SMAP1: variants seen among roughly 807,000 people sequenced by gnomAD.
The protein encoded by SMAP1 is small ArfGAP 1.
SMAP1 carries 24 observed loss-of-function variants against 58.5 expected under a neutral mutation model. The observed-to-expected ratio is 0.41, with a 90% confidence interval of 0.30 to 0.58. The LOEUF (loss-of-function observed/expected upper bound fraction) is 0.58. SMAP1 is among the 20% of genes least tolerant of loss of function. The probability of loss-of-function intolerance (pLI) is 0.29; values close to 1 mark genes in which losing one functional copy is unlikely to be tolerated. For synonymous variants in SMAP1, 216 were observed against 196.6 expected, an observed-to-expected ratio of 1.10 and a Z score of -0.82; for missense variants, 563 against 566.3, an observed-to-expected ratio of 0.99 and a Z score of 0.06.
At chr6:70,804,681 A>G (rs1769037926) in intron 6 of SMAP1, among the ~76,000 whole-genome samples, 1 of 152,028 alleles carries the variant, frequency 6.6e-6, no homozygotes, top group African/African-American at 2.4e-5. Context: ...AGCTCTTGTA[A>G]GGCAGGCCTG....
intron 4 of SMAP1, among the ~76,000 whole-genome samples, chr6:70,774,380 G>T (rs989160488): frequency 6.6e-6 from 1 of 152,104 alleles, no homozygotes; most frequent in Non-Finnish European, 1.5e-5. Context: ...AGATTGATAA[G>T]CTATAAACCA....
intron 6 of SMAP1, among the ~76,000 whole-genome samples, chr6:70,832,948 T>C (rs761645165): frequency 1.1e-4 from 17 of 152,202 alleles, no homozygotes; most frequent in Non-Finnish European, 2.1e-4. Flanking sequence ...TAAGTTATTA[T>C]TACTCATCTA....
At chr6:70,850,678 A>G (rs1348445973) in intron 7 of SMAP1, among the ~76,000 whole-genome samples, 1 of 152,126 alleles carries the variant, frequency 6.6e-6, no homozygotes, top group African/African-American at 2.4e-5. Flanking sequence ...CTCATGAGTT[A>G]AATCACCACT....
At chr6:70,768,222 G>A (rs1483828742) in intron 3 of SMAP1, among the ~76,000 whole-genome samples, 2 of 152,076 alleles carry the variant, frequency 1.3e-5, no homozygotes, top group Non-Finnish European at 2.9e-5. Context: ...TTTTTTGGTT[G>A]TGTCTCTGTC....
At position 70,783,495 on chromosome 6, in the gene SMAP1, A is replaced by G. The variant is rs971179958; in HGVS notation, c.415-8194A>G. Reference sequence around the variant, plus strand: ...GAGAGAAGAAGGCTTCAGACGAACAAACTACTCCGAGCTACGGGAGGAAAC... The same window carrying G: ...GAGAGAAGAAGGCTTCAGACGAACAGACTACTCCGAGCTACGGGAGGAAAC... On this transcript the variant is annotated intron_variant, in intron 4 of 10. Transcript: ENST00000370455. 3.9e-5 allele frequency among the ~76,000 whole-genome samples: 6 copies of G among 152,198 alleles called. No individual in the cohort carries two copies. The South Asian group carries it at 6.2e-4, about 16-fold the overall frequency.
intron 6 of SMAP1, among the ~76,000 whole-genome samples, chr6:70,836,171 C>T (rs192925013): frequency 2.7e-4 from 41 of 152,190 alleles, no homozygotes; most frequent in African/African-American, 9.2e-4. Context: ...AAGACATACC[C>T]GAGACTGGGC....
At chr6:70,715,748 T>C (rs978192213) in intron 1 of SMAP1, among the ~76,000 whole-genome samples, 2 of 152,188 alleles carry the variant, frequency 1.3e-5, no homozygotes, top group Admixed American at 1.3e-4. Context: ...ATTTTATTTT[T>C]TATTTCCATA....
intron 1 of SMAP1, among the ~76,000 whole-genome samples, chr6:70,712,809 T>C (rs1768112187): frequency 1.3e-5 from 2 of 150,588 alleles, no homozygotes. Context: ...TTTTTTTTTT[T>C]TTGAGACAGA....
intron 3 of SMAP1, among the ~76,000 whole-genome samples, chr6:70,770,066 G>C (rs964196970): frequency 1.8e-4 from 28 of 151,614 alleles, no homozygotes; most frequent in African/African-American, 6.6e-4. Flanking sequence ...TAAGAATGTT[G>C]AATATTGGCC....
At chr6:70,844,279 T>C (rs1372735584) in intron 7 of SMAP1, among the ~76,000 whole-genome samples, 1 of 152,244 alleles carries the variant, frequency 6.6e-6, no homozygotes, top group Non-Finnish European at 1.5e-5. Context: ...GCTTCCTCCT[T>C]ATACCACTTC....
At chr6:70,726,451 G>A (rs1450980269) in intron 1 of SMAP1, among the ~76,000 whole-genome samples, 1 of 152,186 alleles carries the variant, frequency 6.6e-6, no homozygotes, top group Non-Finnish European at 1.5e-5. Context: ...TGTGATAAAT[G>A]TTATTTTAAA....
intron 1 of SMAP1, among the ~76,000 whole-genome samples, chr6:70,698,370 C>A (rs149385473): frequency 6.6e-6 from 1 of 151,992 alleles, no homozygotes; most frequent in Non-Finnish European, 1.5e-5. Flanking sequence ...TTAAATGTCT[C>A]GAGGTAGTCT....
intron 1 of SMAP1, among the ~76,000 whole-genome samples, chr6:70,701,577 AT>A (rs1353443326): frequency 6.6e-6 from 1 of 152,176 alleles, no homozygotes; most frequent in Admixed American, 6.5e-5. Context: ...TAAGGCTGGT[AT>A]AAAAGTTCCT....
rs373134044 is a variant in SMAP1 at position 70,799,241 on chromosome 6, T to C, written c.576+504T>C. Among the ~76,000 whole-genome samples the C allele has an allele frequency of 1.2e-4, 18 of 152,308 alleles. No individual in the cohort carries two copies. The East Asian group carries it at 1.7e-3, about 15-fold the overall frequency. On this transcript the variant is annotated intron_variant, in intron 6 of 10. Transcript: ENST00000370455. ...GAATTTGAAGAAAGGGATTTGTCTA[T>C]GTATAGAAACTAGTGAAAAATAACA...
At chr6:70,710,064 G>GTA (rs1469195465) in intron 1 of SMAP1, among the ~76,000 whole-genome samples, 2 of 152,026 alleles carry the variant, frequency 1.3e-5, no homozygotes, top group African/African-American at 2.4e-5. Flanking sequence ...GGCTGTCATG[G>GTA]TATAGCCTAT....
chr6:70,675,797 A>T (rs1052465811), intron 1 of SMAP1, among the ~76,000 whole-genome samples: 7 of 152,208 alleles, frequency 4.6e-5, no homozygotes, highest in African/African-American at 1.7e-4. Context: ...TTAACAAAGC[A>T]GGCCTTGCGG....
At chr6:70,803,973 G>A (rs560866707) in intron 6 of SMAP1, among the ~76,000 whole-genome samples, 1 of 152,134 alleles carries the variant, frequency 6.6e-6, no homozygotes, top group Non-Finnish European at 1.5e-5. Flanking sequence ...GTTGATTTGG[G>A]GTGGAGAGTT....
chr6:70,669,708 A>G (rs1766185839), intron 1 of SMAP1, among the ~76,000 whole-genome samples: 1 of 152,238 alleles, frequency 6.6e-6, no homozygotes, highest in African/African-American at 2.4e-5. Flanking sequence ...GCTAAATAGT[A>G]CACATTTTGT....
intron 3 of SMAP1, among the ~76,000 whole-genome samples, chr6:70,760,732 G>C (rs1766714028): frequency 6.6e-6 from 1 of 151,956 alleles, no homozygotes; most frequent in Non-Finnish European, 1.5e-5. Context: ...CCTAGAGCAA[G>C]TATAACCAAA....
Sources: allele counts gnomAD v4.1 joint callset (sites outside exome capture counted in the v4.1 genomes callset), GRCh38; gene constraint gnomAD v4.1.1; transcripts MANE v1.5; gene names NCBI Gene and HGNC (gene_info 2026-07-23, HGNC 2026-07-21).